The following APBA2 variants were observed in gnomAD, a reference collection of about 807,000 sequenced individuals.
APBA2 encodes amyloid-beta A4 precursor protein-binding family A member 2.
In APBA2, 30 loss-of-function variants were observed where a neutral mutation model predicts 75.0. The ratio of observed to expected loss-of-function variants is 0.40; its 90% CI spans 0.30 to 0.54. The LOEUF is 0.54. Among genes scored for constraint, APBA2 ranks in the 20% least tolerant of loss-of-function variants. The pLI is 0.49. For synonymous variants in APBA2, 444 were observed against 409.6 expected, an observed-to-expected ratio of 1.08 and a Z score of -1.01; for missense variants, 801 against 1,016.1, an observed-to-expected ratio of 0.79 and a Z score of 2.88.
In APBA2 at chr15:28,970,923, C is replaced by T. The variant is rs545238259; in HGVS notation, c.-94-24830C>T. Among the ~76,000 whole-genome samples, 30 of 152,202 alleles carry T rather than the reference C, an allele frequency of 2.0e-4. No individual in the cohort carries two copies. In the East Asian group the frequency reaches 3.7e-3, roughly 19 times the overall value. ...CCATGTGTGTGCACACAGACACCAC[C>T]GGGTCCCCTTGGAGTTACCAGGCAA... On this transcript the variant is annotated intron_variant, in intron 2 of 14. Coordinates refer to ENST00000683413, the MANE Select transcript of APBA2 (RefSeq NM_001353788.2).
chr15:29,004,391 A>C (rs999287835), intron 3 of APBA2, among the ~76,000 whole-genome samples: 2 of 152,152 alleles, frequency 1.3e-5, no homozygotes, highest in African/African-American at 4.8e-5. Context: ...TCAGAAATCT[A>C]TTCCCAGCCC....
At chr15:29,077,318 C>A (rs1240080669) in intron 6 of APBA2, among the ~76,000 whole-genome samples, 4 of 152,286 alleles carry the variant, frequency 2.6e-5, no homozygotes, top group Non-Finnish European at 4.4e-5. Flanking sequence ...TGCAGTACGT[C>A]ACTGTGCCAT....
At chr15:29,082,975 T>C (rs1360912282) in intron 6 of APBA2, among the ~76,000 whole-genome samples, 1 of 151,988 alleles carries the variant, frequency 6.6e-6, no homozygotes, top group Non-Finnish European at 1.5e-5. Context: ...GGCAGGAGAA[T>C]TGCTTGAATC....
intron 6 of APBA2, among the ~76,000 whole-genome samples, chr15:29,079,558 T>C (rs1218409592): frequency 6.6e-6 from 1 of 152,118 alleles, no homozygotes; most frequent in Non-Finnish European, 1.5e-5. Context: ...CCCTGGGCTT[T>C]TTATGAAGGC....
chr15:28,970,237 C>G (rs910759064), intron 2 of APBA2: 1 of 151,948 alleles, frequency 6.6e-6, no homozygotes, highest in South Asian at 2.1e-4. Context: ...TGTTACAGAT[C>G]ATGTTATTCT....
intron 2 of APBA2, among the ~76,000 whole-genome samples, chr15:28,967,410 T>A (rs920286720): frequency 1.3e-5 from 2 of 152,162 alleles, no homozygotes; most frequent in Non-Finnish European, 2.9e-5. Flanking sequence ...TTTATAAATT[T>A]CAGGTTCCTC....
intron 3 of APBA2, among the ~76,000 whole-genome samples, chr15:29,018,112 C>G (rs2039769671): frequency 6.6e-6 from 1 of 152,130 alleles, no homozygotes; most frequent in Non-Finnish European, 1.5e-5. Context: ...GGGGGACAGT[C>G]TCAGGGCCAT....
chr15:28,929,789 A>T (rs1263800432), intron 2 of APBA2, among the ~76,000 whole-genome samples: 1 of 152,200 alleles, frequency 6.6e-6, no homozygotes, highest in Non-Finnish European at 1.5e-5. Flanking sequence ...CACTGCCAGC[A>T]TCAGTTCTTA....
Position 29,098,482 on chromosome 15 carries a change from CT to C in APBA2, c.1252-6del, listed in dbSNP as rs1464839148. 1.2e-6 allele frequency: 2 copies of C among 1,611,030 alleles called. No homozygotes were observed. The highest frequency in any genetic ancestry group is 1.7e-6 in the Non-Finnish European group (2 of 1,177,290). ...TTGGACTTTAACAATATCCACTGTC[CT>C]TCTTAGAATTCTGAGGGGGATGCCC... On this transcript the variant is annotated splice_region_variant and splice_polypyrimidine_tract_variant and intron_variant, in intron 8 of 14. Transcript: ENST00000683413.
intron 3 of APBA2, among the ~76,000 whole-genome samples, chr15:29,052,737 T>C (rs2041664321): frequency 6.6e-6 from 1 of 152,176 alleles, no homozygotes; most frequent in Non-Finnish European, 1.5e-5. Flanking sequence ...GGAGATTTGT[T>C]TCTCACAGTT....
chr15:29,062,088 G>C (rs79661079), intron 4 of APBA2, among the ~76,000 whole-genome samples: 2,316 of 152,186 alleles, frequency 0.015, 71 homozygotes, highest in African/African-American at 0.053. Flanking sequence ...AGGGCAGGGG[G>C]TTATGGGGGG....
chr15:28,989,542 G>T (rs968576983), intron 2 of APBA2, among the ~76,000 whole-genome samples: 6 of 152,210 alleles, frequency 3.9e-5, no homozygotes, highest in East Asian at 3.8e-4. Context: ...ATTGGCAGAT[G>T]CTGCTTCACT....
chr15:28,889,334 G>A (rs2031976924), intron 1 of APBA2, among the ~76,000 whole-genome samples: 1 of 152,210 alleles, frequency 6.6e-6, no homozygotes, highest in Non-Finnish European at 1.5e-5. Context: ...CTGGTGGGGT[G>A]CCACTGCTGT....
chr15:29,063,771 G>A (rs1210150566), intron 4 of APBA2, among the ~76,000 whole-genome samples: 2 of 151,918 alleles, frequency 1.3e-5, no homozygotes, highest in Admixed American at 6.5e-5. Flanking sequence ...TGGGGGAGGT[G>A]GGTGGGCAAG....
chr15:28,953,090 T>A (rs916345404), intron 2 of APBA2, among the ~76,000 whole-genome samples: 4 of 152,114 alleles, frequency 2.6e-5, no homozygotes, highest in African/African-American at 9.7e-5. Context: ...GGAATCCCAG[T>A]CTCCATCTGG....
intron 2 of APBA2, among the ~76,000 whole-genome samples, chr15:28,974,761 CTG>C (rs1420361078): frequency 2.6e-5 from 4 of 152,122 alleles, no homozygotes; most frequent in African/African-American, 7.2e-5. Context: ...ATATATCACT[CTG>C]TGGAATACAC....
chr15:28,989,133 CT>C (rs530074297), intron 2 of APBA2, among the ~76,000 whole-genome samples: 2 of 152,094 alleles, frequency 1.3e-5, no homozygotes, highest in Admixed American at 1.3e-4. Flanking sequence ...TCTTTTGCAC[CT>C]TTTTTTCTGT....
intron 4 of APBA2, 133 bp from the exon 5 acceptor site, chr15:29,074,788 T>C (rs2042775599): frequency 2.7e-6 from 2 of 734,822 alleles, no homozygotes; most frequent in Admixed American, 4.0e-5. Flanking sequence ...TAAATAGACG[T>C]CTGCACACAC....
intron 1 of APBA2, among the ~76,000 whole-genome samples, chr15:28,912,521 C>A (rs936659682): frequency 2.0e-5 from 3 of 152,258 alleles, no homozygotes; most frequent in African/African-American, 7.2e-5. Context: ...GGCTACTTAT[C>A]TCCTGGAGCA....
Sources: gnomAD v4.1 joint callset for allele counts (sites outside exome capture counted in the v4.1 genomes callset) on GRCh38, gnomAD v4.1.1 for gene constraint, MANE v1.5 for transcripts, NCBI Gene and HGNC (gene_info 2026-07-23, HGNC 2026-07-21) for gene names.